NHS: variants seen among roughly 807,000 people sequenced by gnomAD.
NHS encodes NHS actin remodeling regulator.
Under a neutral mutation model 72.5 loss-of-function variants are expected in NHS, and 5 were observed. That is an observed-to-expected ratio of 0.07 (90% CI 0.04 to 0.14). NHS has a LOEUF of 0.14. Ranked by LOEUF, NHS falls within the 10% of genes least tolerant of loss-of-function variation. NHS has a pLI of 1.00. For synonymous variants in NHS, 464 were observed against 547.7 expected, an observed-to-expected ratio of 0.85 and a Z score of 2.13; for missense variants, 1,072 against 1,355.7, an observed-to-expected ratio of 0.79 and a Z score of 3.29.
intron 1 of NHS, among the ~76,000 whole-genome samples, chrX:17,570,718 C>T (rs58403330): frequency 0.13 from 14,663 of 111,044 alleles, 2,304 homozygotes; most frequent in African/African-American, 0.45. Context: ...TGAATAGGAG[C>T]GGTGAGAGAG....
rs748511179 is a variant in NHS, at chrX:17,489,205, G to A, written c.565+112883G>A. On this transcript the variant is annotated intron_variant, in intron 1 of 8. Transcript: ENST00000676302. ...CCAGTCTATCACTGATGGGCATTTG[G>A]GTTGGTTCCAAGTCTTTGCTATTGT... Among the ~76,000 whole-genome samples, 7 of 112,085 alleles carry A rather than the reference G, an allele frequency of 6.2e-5. No individual in the cohort carries two copies. In the South Asian group the frequency reaches 2.6e-3, roughly 42 times the overall value.
intron 1 of NHS, among the ~76,000 whole-genome samples, chrX:17,386,624 T>G (rs1484295076): frequency 2.0e-5 from 2 of 98,903 alleles, no homozygotes; most frequent in Admixed American, 2.3e-4. Flanking sequence ...GATTGCACCA[T>G]TGCACGCCAG....
intron 1 of NHS, among the ~76,000 whole-genome samples, chrX:17,640,708 A>G (rs1307141202): frequency 8.9e-6 from 1 of 112,543 alleles, no homozygotes; most frequent in Non-Finnish European, 1.9e-5. Flanking sequence ...TTTGGCCATT[A>G]ACAGCTAAGC....
chrX:17,549,868 A>G (rs2065321834), intron 1 of NHS, among the ~76,000 whole-genome samples: 1 of 111,217 alleles, frequency 9.0e-6, no homozygotes, highest in Admixed American at 9.5e-5. Context: ...GTTGGGCCAC[A>G]TCTTTGGTCT....
chrX:17,707,759 GTACAAGAGTACT>G (rs201179516), intron 3 of NHS, among the ~76,000 whole-genome samples: 31,203 of 110,683 alleles, frequency 0.28, 8,329 homozygotes, highest in African/African-American at 0.83. Context: ...TTGACCAAGA[GTACAAGAGTACT>G]ATAAAGACCT....
At chrX:17,729,762 G>A (rs1407423855) in intron 8 of NHS, among the ~76,000 whole-genome samples, 1 of 112,174 alleles carries the variant, frequency 8.9e-6, no homozygotes, top group Non-Finnish European at 1.9e-5. Flanking sequence ...GATTTGCCAT[G>A]CCTCCTCCTT....
intron 1 of NHS, among the ~76,000 whole-genome samples, chrX:17,511,879 A>G (rs1210419586): frequency 9.0e-6 from 1 of 110,752 alleles, no homozygotes; most frequent in Non-Finnish European, 1.9e-5. Flanking sequence ...TCAGACATTC[A>G]GGCTGGAATT....
chrX:17,385,592 A>T (rs1202667008), intron 1 of NHS, among the ~76,000 whole-genome samples: 1 of 111,817 alleles, frequency 8.9e-6, no homozygotes, highest in Non-Finnish European at 1.9e-5. Flanking sequence ...TTGGTGACAC[A>T]TGTGACATCT....
At chrX:17,517,652 TTATTGTGTTGTA>T (rs1379522781) in intron 1 of NHS, among the ~76,000 whole-genome samples, 1 of 111,839 alleles carries the variant, frequency 8.9e-6, no homozygotes, top group Admixed American at 9.5e-5. Flanking sequence ...GTTAGAGGGC[TTATTGTGTTGTA>T]AATGGGCCCT....
At chrX:17,554,967 TTAAGC>T (rs2065361278) in intron 1 of NHS, among the ~76,000 whole-genome samples, 2 of 110,892 alleles carry the variant, frequency 1.8e-5, no homozygotes, top group Admixed American at 1.9e-4. Context: ...GTCATCTACG[TTAAGC>T]TATTTCTCCT....
rs1437908507 is a variant in NHS at position 17,733,142 on chromosome X, G to C, written c.*678G>C. ...TGAATTTTAAACTGGTGAACTAAAG[G>C]AAATCTTGAGGTCATATACTGAAAT... On this transcript the variant is annotated 3_prime_UTR_variant, in exon 9 of 9. Transcript: ENST00000676302. 3 of 113,304 alleles carry C rather than the reference G, an allele frequency of 2.6e-5. No individual in the cohort carries two copies. The highest frequency in any genetic ancestry group is 9.7e-5 in the African/African-American group (3 of 30,848). The allele number at this position is 113,304 out of a possible 1,213,427, so 9.3% of individuals were successfully genotyped here.
At position 17,591,736 on chromosome X, in the gene NHS, C is replaced by G. The variant is rs753167408; in HGVS notation, c.566-96006C>G. Among the ~76,000 whole-genome samples the G allele has an allele frequency of 2.1e-4, 23 of 111,754 alleles. No homozygotes were observed. In the South Asian group the frequency reaches 3.7e-3, roughly 18 times the overall value. The stretch of plus-strand genomic sequence containing the variant: ...TTTTTCAAGTGGGTCTTTATAGCAT[C>G]ATAGAATGGAAGGAGTCTTAAAAAC... On this transcript the variant is annotated intron_variant, in intron 1 of 8. Transcript: ENST00000676302.
At chrX:17,432,717 G>A (rs2146876584) in intron 1 of NHS, among the ~76,000 whole-genome samples, 1 of 110,383 alleles carries the variant, frequency 9.1e-6, no homozygotes, top group African/African-American at 3.3e-5. Flanking sequence ...TGGAAACAAT[G>A]TTCTTAAACC....
intron 1 of NHS, among the ~76,000 whole-genome samples, chrX:17,505,864 T>C (rs756909111): frequency 1.8e-5 from 2 of 111,183 alleles, no homozygotes; most frequent in South Asian, 7.6e-4. Context: ...TGTGTGCTTC[T>C]GTAATGGGGA....
chrX:17,387,217 C>T (rs1000829685), intron 1 of NHS, among the ~76,000 whole-genome samples: 1 of 111,850 alleles, frequency 8.9e-6, no homozygotes. Context: ...TCTATCATCA[C>T]GAGCAACTGT....
chrX:17,376,193 G>T lies in NHS; in HGVS notation c.436G>T (p.Ala146Ser). 4 of 1,190,389 alleles carry T rather than the reference G, an allele frequency of 3.4e-6. No homozygotes were observed. Among genetic ancestry groups the T allele is most frequent in the Non-Finnish European group, 4.5e-6 (4 of 890,804 alleles). Residue 146 changes from alanine to serine, a missense_variant, in exon 1 of 9, where the codon GCT (alanine) becomes TCT (serine). Coordinates refer to ENST00000676302, the MANE Select transcript of NHS (RefSeq NM_001291867.2). Reference protein sequence around the residue: ...LRQLSDVARHACSLFQELESD... With the variant: ...LRQLSDVARHSCSLFQELESD... ...GCAGCTCTCGGACGTGGCCCGGCAC[G>T]CTTGCAGCCTCTTCCAGGAGCTCGA...
chrX:17,666,009 G>A (rs1048553769), intron 1 of NHS, among the ~76,000 whole-genome samples: 7 of 111,978 alleles, frequency 6.3e-5, no homozygotes, highest in Non-Finnish European at 1.3e-4. Context: ...GGCTAGACAA[G>A]GAGGGGAGTC....
At chrX:17,433,090 C>T (rs752468640) in intron 1 of NHS, among the ~76,000 whole-genome samples, 280 of 108,262 alleles carry the variant, frequency 2.6e-3, no homozygotes, top group Non-Finnish European at 4.2e-3. Flanking sequence ...AGTTCAGTGG[C>T]GCAATCTCGG....
At chrX:17,536,372 A>G (rs2065223800) in intron 1 of NHS, among the ~76,000 whole-genome samples, 2 of 111,660 alleles carry the variant, frequency 1.8e-5, no homozygotes, top group Admixed American at 9.4e-5. Flanking sequence ...CAAACAAACA[A>G]AAAACAAACA....
Sources: allele counts gnomAD v4.1 joint callset (sites outside exome capture counted in the v4.1 genomes callset), GRCh38; gene constraint gnomAD v4.1.1; transcripts MANE v1.5; gene names NCBI Gene and HGNC (gene_info 2026-07-23, HGNC 2026-07-21).